The following CDK14 variants were observed in gnomAD, a reference collection of about 807,000 sequenced individuals.
CDK14 encodes the protein cyclin dependent kinase 14, also known as cyclin-dependent kinase 14.
Under a neutral mutation model 60.7 loss-of-function variants are expected in CDK14, and 34 were observed. The observed-to-expected ratio is 0.56, with a 90% CI of 0.43 to 0.75. CDK14 has a LOEUF of 0.75. Ranked by LOEUF, CDK14 falls within the 30% of genes least tolerant of loss-of-function variation. The pLI, the probability that CDK14 is intolerant of heterozygous loss-of-function variation, is 0.00. For missense variants in CDK14, 482 were observed against 564.1 expected (o/e 0.85, Z 1.47); for synonymous variants, 197 against 203.7 (o/e 0.97, Z 0.28).
rs1802964692 is a variant in CDK14 at position 91,208,289 on chromosome 7, G to A, written c.*1153G>A. 1 of 152,628 alleles carries A rather than the reference G, an allele frequency of 6.6e-6. No homozygotes were observed. The highest frequency in any genetic ancestry group is 1.5e-5 in the Non-Finnish European group (1 of 68,058). 9.5% of individuals were successfully genotyped at this position (152,628 alleles called of 1,614,324 possible). A position where few individuals can be genotyped will look rare whatever the true frequency, so the allele number is the denominator to read the frequency against. ...TGCTTTAAAGATGAAAAAGGGAATG[G>A]GCCAGCTTCCCTTACTCAAGGAGTT... On this transcript the variant is annotated 3_prime_UTR_variant, in exon 15 of 15. Coordinates refer to ENST00000380050, the MANE Select transcript of CDK14 (RefSeq NM_001287135.2).
chr7:90,665,549 A>G (rs888665149), intron 2 of CDK14, among the ~76,000 whole-genome samples: 3 of 152,230 alleles, frequency 2.0e-5, no homozygotes, highest in Non-Finnish European at 4.4e-5. Flanking sequence ...CGGGTTATTA[A>G]TTGAAAGTGC....
intron 10 of CDK14, among the ~76,000 whole-genome samples, chr7:91,007,263 G>A (rs1796005186): frequency 6.6e-6 from 1 of 152,118 alleles, no homozygotes; most frequent in Non-Finnish European, 1.5e-5. Context: ...TTGTTCAACC[G>A]TGATTTGCTT....
In CDK14 at chr7:90,623,998, T is replaced by A. The variant is rs17866360; in HGVS notation, c.123+19749T>A. 7.4e-3 allele frequency among the ~76,000 whole-genome samples: 1,126 copies of A among 152,322 alleles called. 13 individuals are homozygous for A. Among genetic ancestry groups the A allele is most frequent in the Non-Finnish European group, 0.01 (699 of 68,024 alleles). ...AGTGTCATTGCATATTTATAATACATATTTTGTAGGGCTTCATAGTTTACA... is the reference window on the plus strand; with the variant it reads ...AGTGTCATTGCATATTTATAATACAAATTTTGTAGGGCTTCATAGTTTACA... On this transcript the variant is annotated intron_variant, in intron 2 of 14. Coordinates refer to ENST00000380050, the MANE Select transcript of CDK14 (RefSeq NM_001287135.2).
intron 2 of CDK14, among the ~76,000 whole-genome samples, chr7:90,639,078 T>G (rs1437075234): frequency 6.6e-6 from 1 of 152,230 alleles, no homozygotes; most frequent in African/African-American, 2.4e-5. Flanking sequence ...TGGTTTGAAT[T>G]TCCTCCTGTA....
At chr7:91,019,506 G>T (rs1796384943) in intron 10 of CDK14, among the ~76,000 whole-genome samples, 2 of 152,264 alleles carry the variant, frequency 1.3e-5, no homozygotes, top group South Asian at 4.2e-4. Context: ...GAAAGTAGAT[G>T]ATTAACCATT....
chr7:91,064,484 T>C (rs972770180), intron 11 of CDK14, among the ~76,000 whole-genome samples: 1 of 152,200 alleles, frequency 6.6e-6, no homozygotes, highest in Non-Finnish European at 1.5e-5. Flanking sequence ...CATTATTACA[T>C]GGATTACAGT....
At chr7:91,171,280 G>A (rs917360419) in intron 14 of CDK14, among the ~76,000 whole-genome samples, 1 of 151,990 alleles carries the variant, frequency 6.6e-6, no homozygotes, top group Non-Finnish European at 1.5e-5. Flanking sequence ...AACCCGGGAG[G>A]TGGAGCTTGC....
intron 8 of CDK14, among the ~76,000 whole-genome samples, chr7:90,942,684 A>C (rs1321533154): frequency 3.9e-5 from 6 of 152,190 alleles, no homozygotes; most frequent in Admixed American, 3.9e-4. Context: ...GTCAGTAAAC[A>C]TCTTCCTCAA....
chr7:90,998,617 G>A (rs779226269), intron 10 of CDK14, among the ~76,000 whole-genome samples: 2 of 152,292 alleles, frequency 1.3e-5, no homozygotes, highest in Middle Eastern at 3.4e-3. Flanking sequence ...GGCCGGGCGC[G>A]GTGGCTCACG....
At chr7:90,864,403 T>C (rs1791107874) in intron 6 of CDK14, among the ~76,000 whole-genome samples, 1 of 152,180 alleles carries the variant, frequency 6.6e-6, no homozygotes, top group African/African-American at 2.4e-5. Context: ...TAATAATGTA[T>C]TCCAGCTGAT....
chr7:90,940,710 C>T (rs1297439815), intron 8 of CDK14, among the ~76,000 whole-genome samples: 4 of 151,924 alleles, frequency 2.6e-5, no homozygotes, highest in Admixed American at 6.6e-5. Context: ...CGCTTGAGCC[C>T]GGGAGGTTGA....
chr7:91,091,321 A>G (rs1798803071), intron 12 of CDK14, among the ~76,000 whole-genome samples: 1 of 144,600 alleles, frequency 6.9e-6, no homozygotes, highest in Admixed American at 7.0e-5. Context: ...TAATTTATGT[A>G]TACACATATG....
intron 2 of CDK14, among the ~76,000 whole-genome samples, chr7:90,662,570 C>T (rs1161457734): frequency 6.6e-6 from 1 of 152,216 alleles, no homozygotes; most frequent in African/African-American, 2.4e-5. Context: ...GTTAGTTAAC[C>T]TCTCTGTGCT....
intron 9 of CDK14, among the ~76,000 whole-genome samples, chr7:90,977,326 T>C (rs1022228576): frequency 1.3e-5 from 2 of 152,128 alleles, no homozygotes; most frequent in Non-Finnish European, 2.9e-5. Flanking sequence ...ATTTGGGTGC[T>C]GCAGCTGAAG....
At chr7:91,175,342 T>C (rs1307769522) in intron 14 of CDK14, among the ~76,000 whole-genome samples, 5 of 152,134 alleles carry the variant, frequency 3.3e-5, no homozygotes, top group African/African-American at 4.8e-5. Context: ...CGGTATCAGC[T>C]GCTGCAAAAT....
intron 14 of CDK14, among the ~76,000 whole-genome samples, chr7:91,125,777 C>G (rs1799926039): frequency 1.3e-5 from 2 of 151,990 alleles, no homozygotes; most frequent in African/African-American, 2.4e-5. Flanking sequence ...AACTGTTAAC[C>G]TCAATATTGG....
intron 8 of CDK14, among the ~76,000 whole-genome samples, chr7:90,919,046 T>A (rs1169029080): frequency 1.3e-5 from 2 of 152,120 alleles, no homozygotes; most frequent in Non-Finnish European, 2.9e-5. Flanking sequence ...CTTTTTATAA[T>A]AGGGTAGAAA....
chr7:90,948,629 GTTTAGTGCATAAGCATCTATA>G (rs927614760), intron 8 of CDK14, among the ~76,000 whole-genome samples: 17 of 152,324 alleles, frequency 1.1e-4, no homozygotes, highest in African/African-American at 4.1e-4. Flanking sequence ...CAGCTCAGCT[GTTTAGTGCATAAGCATCTATA>G]GGCAATATGT....
intron 2 of CDK14, among the ~76,000 whole-genome samples, chr7:90,610,657 C>G (rs1349216493): frequency 2.6e-5 from 4 of 152,152 alleles, no homozygotes; most frequent in Non-Finnish European, 5.9e-5. Context: ...CATTCCAGGC[C>G]TCTCCCCTTA....
Sources: allele counts gnomAD v4.1 joint callset (sites outside exome capture counted in the v4.1 genomes callset), GRCh38; gene constraint gnomAD v4.1.1; transcripts MANE v1.5; gene names NCBI Gene and HGNC (gene_info 2026-07-23, HGNC 2026-07-21).